Variants in MYO16 observed in about 807,000 individuals in gnomAD.
MYO16 encodes unconventional myosin-XVI.
MYO16 carries 94 observed loss-of-function variants against 205.3 expected under a neutral mutation model. The ratio of observed to expected loss-of-function variants is 0.46; its 90% confidence interval spans 0.39 to 0.54. MYO16 has a LOEUF of 0.54. Ranked by LOEUF, MYO16 falls within the 20% of genes least tolerant of loss-of-function variation. The pLI is 0.00. For synonymous variants in MYO16, 988 were observed against 954.0 expected (o/e 1.04, Z -0.66); for missense variants, 2,315 against 2,387.5 (o/e 0.97, Z 0.63).
chr13:108,836,009 A>G (rs1056494840), intron 9 of MYO16, among the ~76,000 whole-genome samples: 1 of 152,204 alleles, frequency 6.6e-6, no homozygotes, highest in Non-Finnish European at 1.5e-5. Context: ...CTAGTCACCA[A>G]GACAATGGGG....
At chr13:109,188,023 A>G (rs1879758989) in intron 34 of MYO16, among the ~76,000 whole-genome samples, 1 of 152,182 alleles carries the variant, frequency 6.6e-6, no homozygotes, top group South Asian at 2.1e-4. Context: ...TTTGGAAGCT[A>G]TATTTGAGAT....
intron 2 of MYO16, among the ~76,000 whole-genome samples, chr13:108,693,056 CAG>C: frequency 6.6e-6 from 1 of 152,212 alleles, no homozygotes; most frequent in South Asian, 2.1e-4. Context: ...CTTTATACCT[CAG>C]AATTACTGAA....
chr13:109,048,705 A>G (rs1887134683), intron 24 of MYO16: 1 of 184,640 alleles, frequency 5.4e-6, no homozygotes, highest in Non-Finnish European at 1.1e-5. Context: ...ATTAAAAGCA[A>G]GTGTAATTCA....
In MYO16 at chr13:109,141,235, A is replaced by C. The variant is rs1220102420; in HGVS notation, c.5023A>C (p.Ser1675Arg). The change falls in exon 32 of 35, where the codon AGT becomes CGT. Residue 1675 changes from serine to arginine, a missense_variant. By Grantham distance (110) the Ser-to-Arg change is moderately radical (BLOSUM62 -1). Coordinates refer to ENST00000457511, the MANE Select transcript of MYO16 (RefSeq NM_001198950.3). This position sits in a 1 kb window ranked among gnomAD's most constrained non-coding sequence, Gnocchi z 4.1. The stretch of plus-strand genomic sequence containing the variant: ...GGCGGACGCCAGGAAGGCCGGCTCC[A>C]GTGCCTCGCCCCCCGCGCCCTACAG... ...TRADARKAGS[S>R]ASPPAPYSPP... 7 of 1,605,906 alleles carry C rather than the reference A, an allele frequency of 4.4e-6. No homozygotes were observed. The highest frequency in any genetic ancestry group is 3.3e-5 in the South Asian group (3 of 90,634).
At chr13:108,677,467 CCTATGTATATATGATATATATGT>C (rs1244229762) in intron 2 of MYO16, among the ~76,000 whole-genome samples, 1 of 148,664 alleles carries the variant, frequency 6.7e-6, no homozygotes, top group Non-Finnish European at 1.5e-5. Flanking sequence ...CATATATGTA[CCTATGTATATATGATATATATGT>C]ATATATACTT....
the MYO16 span, among the ~76,000 whole-genome samples, chr13:108,516,347 G>A: frequency 1.4e-3 from 209 of 151,882 alleles, 1 homozygote; most frequent in African/African-American, 4.7e-3. Context: ...CGCACGGTGC[G>A]CGCACACACT....
the MYO16 span, among the ~76,000 whole-genome samples, chr13:108,548,993 G>C: frequency 3.3e-5 from 5 of 152,212 alleles, no homozygotes; most frequent in African/African-American, 7.2e-5. Flanking sequence ...GATCGATAAA[G>C]AGAAGAGAGA....
intron 1 of MYO16, among the ~76,000 whole-genome samples, chr13:108,652,681 A>G (rs1332626528): frequency 6.6e-6 from 1 of 152,166 alleles, no homozygotes; most frequent in Non-Finnish European, 1.5e-5. Context: ...AGTTTATTTC[A>G]CTTAAAAAGT....
intron 12 of MYO16, among the ~76,000 whole-genome samples, chr13:108,871,591 C>G (rs932690141): frequency 6.6e-6 from 1 of 152,128 alleles, no homozygotes; most frequent in East Asian, 1.9e-4. Context: ...AAAAGTTGAG[C>G]CCCCTTACGG....
intron 1 of MYO16, among the ~76,000 whole-genome samples, chr13:108,641,267 T>C (rs1880491471): frequency 1.3e-5 from 2 of 152,334 alleles, no homozygotes; most frequent in South Asian, 2.1e-4. Flanking sequence ...CACAGTCTTT[T>C]GCTAATAGAA....
intron 32 of MYO16, among the ~76,000 whole-genome samples, chr13:109,158,987 C>T (rs1273959573): frequency 1.3e-5 from 2 of 152,132 alleles, no homozygotes; most frequent in Non-Finnish European, 2.9e-5. Context: ...CTCAGCACAG[C>T]CAAAGCATGC....
chr13:108,719,087 C>T (rs780364283), intron 3 of MYO16, among the ~76,000 whole-genome samples: 8 of 152,000 alleles, frequency 5.3e-5, no homozygotes, highest in Non-Finnish European at 7.4e-5. Flanking sequence ...TTTTGTGTTT[C>T]GTTTTGTTTT....
At chr13:108,677,718 T>C (rs1482989562) in intron 2 of MYO16, among the ~76,000 whole-genome samples, 1 of 152,136 alleles carries the variant, frequency 6.6e-6, no homozygotes, top group Non-Finnish European at 1.5e-5. Flanking sequence ...ATAAGCCAGA[T>C]GTCTAATAAG....
At chr13:108,694,468 A>T (rs564585160) in intron 2 of MYO16, among the ~76,000 whole-genome samples, 1 of 152,156 alleles carries the variant, frequency 6.6e-6, no homozygotes, top group Non-Finnish European at 1.5e-5. Context: ...AAATTTATTT[A>T]TTATAATCAT....
intron 1 of MYO16, among the ~76,000 whole-genome samples, chr13:108,649,771 G>C (rs2139398193): frequency 6.6e-6 from 1 of 152,266 alleles, no homozygotes; most frequent in East Asian, 1.9e-4. Context: ...ATTAAGACTT[G>C]CAATGAGGAG....
intron 6 of MYO16, among the ~76,000 whole-genome samples, chr13:108,804,771 C>G (rs1439588096): frequency 6.6e-6 from 1 of 152,042 alleles, no homozygotes; most frequent in Non-Finnish European, 1.5e-5. Flanking sequence ...GTAAACTTGC[C>G]AGCCTCCACA....
chr13:109,190,767 C>G (rs1408123756), intron 34 of MYO16, among the ~76,000 whole-genome samples: 6 of 152,180 alleles, frequency 3.9e-5, no homozygotes, highest in Non-Finnish European at 7.3e-5. Flanking sequence ...ATGAAAACCA[C>G]TCTGGAACAT....
chr13:108,898,261 C>A (rs922849395), intron 15 of MYO16, 128 bp downstream of exon 15: 8 of 732,182 alleles, frequency 1.1e-5, no homozygotes, highest in Non-Finnish European at 1.4e-5. Flanking sequence ...TCTTCATGAC[C>A]GTGTCTGGAA....
At chr13:108,859,809 T>A (rs1878366838) in intron 11 of MYO16, among the ~76,000 whole-genome samples, 1 of 151,820 alleles carries the variant, frequency 6.6e-6, no homozygotes, top group African/African-American at 2.4e-5. Context: ...TTGAGACTCA[T>A]AAAAAAAACC....
Sources: allele counts gnomAD v4.1 joint callset (sites outside exome capture counted in the v4.1 genomes callset), GRCh38; gene constraint gnomAD v4.1.1; non-coding constraint Gnocchi (gnomAD v3.1); transcripts MANE v1.5; gene names NCBI Gene and HGNC (gene_info 2026-07-23, HGNC 2026-07-21).